Variants in FAHD2B observed in about 807,000 individuals in gnomAD.
FAHD2B encodes oxaloacetate tautomerase FAHD2B, mitochondrial.
In FAHD2B, 26 loss-of-function variants were observed where a neutral mutation model predicts 33.7. The ratio of observed to expected loss-of-function variants is 0.77; its 90% CI spans 0.57 to 1.07. FAHD2B has a LOEUF of 1.07. Ranked by LOEUF, FAHD2B falls within the 50% of genes least tolerant of loss-of-function variation. The probability of loss-of-function intolerance (pLI) is 0.00; values close to 1 mark genes in which losing one functional copy is unlikely to be tolerated. For missense variants in FAHD2B, 272 were observed against 388.1 expected (o/e 0.70, Z 2.51); for synonymous variants, 108 against 150.9 (o/e 0.72, Z 2.08).
downstream of FAHD2B, chr2:97,083,011 T>C (rs1347013737): frequency 6.9e-6 from 7 of 1,019,900 alleles, no homozygotes; most frequent in Non-Finnish European, 9.9e-6. Context: ...GCGGCAGCAT[T>C]TGCATGCAAA....
At position 97,090,238 on chromosome 2, in the gene FAHD2B, C is replaced by T. The variant is rs1350146900; in HGVS notation, c.333G>A (p.Val111=). 20 of 1,610,662 alleles carry T rather than the reference C, an allele frequency of 1.2e-5. No individual in the cohort carries two copies. The highest frequency in any genetic ancestry group is 1.7e-5 in the Non-Finnish European group (20 of 1,178,672). The part of the protein sequence containing the change: ...PVTWPDKVVC[V]GMNYVDHCKE... The stretch of plus-strand genomic sequence containing the variant: ...TGCAGTGGTCCACATAATTCATGCC[C>T]ACACACACCACCTTATCTGGCCATG... Residue 111 remains valine (V), a synonymous_variant, in exon 4 of 9, where the codon GTG becomes GTA. Transcript: ENST00000414820.
chr2:97,083,657 G>A lies in FAHD2B; in HGVS notation c.*98C>T, dbSNP rs2031751053. The A allele has an allele frequency of 2.5e-6, 4 of 1,593,200 alleles. No individual in the cohort carries two copies. Among genetic ancestry groups the A allele is most frequent in the Non-Finnish European group, 3.4e-6 (4 of 1,166,178 alleles). The stretch of plus-strand genomic sequence containing the variant: ...TTCTACCGAGAAGAGGCGGCTTGCA[G>A]GGCTGGCACCTGCCCACACCTGCCA... On this transcript the variant is annotated 3_prime_UTR_variant, in exon 9 of 9. Coordinates refer to ENST00000414820, the MANE Select transcript of FAHD2B (RefSeq NM_001320848.2).
At chr2:97,081,399 T>C, downstream of FAHD2B, 2 of 1,548,988 alleles carry the variant, frequency 1.3e-6, no homozygotes, top group Non-Finnish European at 1.7e-6. Context: ...CCCATGTGCC[T>C]GGCTCTCCTG....
At chr2:97,082,327 T>C, downstream of FAHD2B, 1 of 1,599,204 alleles carries the variant, frequency 6.3e-7, no homozygotes, top group South Asian at 1.1e-5. Context: ...GTGAGGCCCT[T>C]GTTCCCTTGC....
At chr2:97,079,687 C>T (rs2872843), downstream of FAHD2B, among the ~76,000 whole-genome samples, 7 of 147,388 alleles carry the variant, frequency 4.7e-5, no homozygotes, top group East Asian at 5.9e-4. Context: ...TTTTTTGAGA[C>T]GGAGTCTCAC....
chr2:97,084,311 C>T (rs751447150), intron 6 of FAHD2B, 34 bp from the exon 7 acceptor site: 12 of 1,610,726 alleles, frequency 7.5e-6, no homozygotes, highest in Non-Finnish European at 1.0e-5. Context: ...GGAGTTATCC[C>T]TTTTCCCCCT....
At chr2:97,082,424 C>T, downstream of FAHD2B, 1 of 1,613,724 alleles carries the variant, frequency 6.2e-7, no homozygotes, top group South Asian at 1.1e-5. Flanking sequence ...ACCAGCTGTT[C>T]CAGTTCCTGC....
At chr2:97,080,398 G>A (rs2031601320), downstream of FAHD2B, among the ~76,000 whole-genome samples, 1 of 152,026 alleles carries the variant, frequency 6.6e-6, no homozygotes, top group Admixed American at 6.6e-5. Context: ...GATTGCTGTG[G>A]GGGTGTAGTC....
downstream of FAHD2B, among the ~76,000 whole-genome samples, chr2:97,081,822 G>A (rs1249050895): frequency 1.3e-5 from 2 of 148,178 alleles, no homozygotes; most frequent in Non-Finnish European, 2.9e-5. Flanking sequence ...CCTTGAGGGT[G>A]GGAATTCACT....
At chr2:97,089,514 T>C (rs2153383245) in intron 4 of FAHD2B, among the ~76,000 whole-genome samples, 2 of 76,634 alleles carry the variant, frequency 2.6e-5, no homozygotes, top group South Asian at 2.9e-4. Flanking sequence ...AAAGACTCTG[T>C]CTCAAAAAAA....
chr2:97,082,918 G>A (rs532496575), downstream of FAHD2B, among the ~76,000 whole-genome samples: 104 of 152,140 alleles, frequency 6.8e-4, no homozygotes, highest in Non-Finnish European at 5.6e-4. Flanking sequence ...AACAGATGTG[G>A]TGATGGGTTG....
intron 4 of FAHD2B, among the ~76,000 whole-genome samples, chr2:97,089,244 G>A (rs1006025627): frequency 6.6e-6 from 1 of 151,936 alleles, no homozygotes; most frequent in African/African-American, 2.4e-5. Flanking sequence ...AATAAGGCCG[G>A]GTGTGGTGAC....
chr2:97,092,872 C>T (rs35150391), intron 1 of FAHD2B, among the ~76,000 whole-genome samples: 1 of 147,098 alleles, frequency 6.8e-6, no homozygotes, highest in Non-Finnish European at 1.5e-5. Flanking sequence ...ACTAGGGAAG[C>T]TGAGACAAGA....
intron 3 of FAHD2B, among the ~76,000 whole-genome samples, chr2:97,091,247 A>C (rs533033434): frequency 8.2e-6 from 1 of 122,368 alleles, no homozygotes; most frequent in African/African-American, 2.8e-5. Flanking sequence ...TGAAATTGTT[A>C]ATCACCTCCC....
At chr2:97,080,994 G>A (rs561517563), downstream of FAHD2B, 200 of 1,027,420 alleles carry the variant, frequency 1.9e-4, 1 homozygote, top group East Asian at 4.0e-3. Context: ...GGGGCTGGGC[G>A]CGGTGCCTCA....
rs752498834 is a variant in FAHD2B at position 97,091,673 on chromosome 2, C to T, written c.34G>A (p.Ala12Thr). 2 of 1,613,498 alleles carry T rather than the reference C, an allele frequency of 1.2e-6. No individual in the cohort carries two copies. Among genetic ancestry groups the T allele is most frequent in the East Asian group, 2.2e-5 (1 of 44,866 alleles). The change falls in exon 3 of 9, where the codon GCT (alanine) becomes ACT (threonine). Residue 12 changes from alanine to threonine, a missense_variant. Ala to Thr is a moderately conservative substitution (Grantham distance 58). Coordinates refer to ENST00000414820, the MANE Select transcript of FAHD2B (RefSeq NM_001320848.2). ...LVSGRRRLLT[A>T]LLQAQKWPFQ... ...GGCCACTTCTGAGCCTGCAGCAGAGCTGTGAGTAATCTTCTTCTACCAGAC... is the reference window on the plus strand; with the variant it reads ...GGCCACTTCTGAGCCTGCAGCAGAGTTGTGAGTAATCTTCTTCTACCAGAC...
At chr2:97,079,006 C>T (rs142175971), downstream of FAHD2B, among the ~76,000 whole-genome samples, 314 of 152,216 alleles carry the variant, frequency 2.1e-3, no homozygotes, top group Non-Finnish European at 3.1e-3. Flanking sequence ...TAAGTAAGAA[C>T]ATGTGGTATA....
At chr2:97,083,381 T>C (rs2031731310), downstream of FAHD2B, 2 of 1,473,368 alleles carry the variant, frequency 1.4e-6, no homozygotes, top group Non-Finnish European at 1.8e-6. Context: ...TCATTGAGGC[T>C]TGATTGTCCC....
intron 4 of FAHD2B, among the ~76,000 whole-genome samples, chr2:97,088,706 T>G (rs1184179745): frequency 1.3e-5 from 2 of 152,090 alleles, no homozygotes; most frequent in Non-Finnish European, 2.9e-5. Flanking sequence ...GAATACAGTG[T>G]GTGCCCTTGG....
Sources: gnomAD v4.1 joint callset for allele counts (sites outside exome capture counted in the v4.1 genomes callset) on GRCh38, gnomAD v4.1.1 for gene constraint, MANE v1.5 for transcripts, NCBI Gene and HGNC (gene_info 2026-07-23, HGNC 2026-07-21) for gene names.